Variants in UTP20 observed in about 807,000 individuals in gnomAD.
The protein encoded by UTP20 is small subunit processome component 20 homolog.
Under a neutral mutation model 329.5 loss-of-function variants are expected in UTP20, and 164 were observed. The observed-to-expected ratio is 0.50, with a 90% confidence interval of 0.44 to 0.57. The LOEUF (loss-of-function observed/expected upper bound fraction) is 0.57, where lower values mean the gene tolerates loss of function less well. UTP20 is among the 20% of genes least tolerant of loss of function. The pLI, the probability that UTP20 is intolerant of heterozygous loss-of-function variation, is 0.00. For missense variants in UTP20, 3,055 were observed against 3,284.2 expected (o/e 0.93, Z 1.71); for synonymous variants, 1,151 against 1,159.3 (o/e 0.99, Z 0.14).
chr12:101,365,072 T>TTGTGTGTGTG (rs60890980), intron 45 of UTP20, among the ~76,000 whole-genome samples: 8,256 of 141,844 alleles, frequency 0.058, 316 homozygotes, highest in East Asian at 0.11. Context: ...ATTTTGTTGA[T>TTGTGTGTGTG]TGTGTGTGTG....
chr12:101,340,937 C>CTTTTTTTTTTTTTTTTTTTTTTT (rs71091488), intron 32 of UTP20, among the ~76,000 whole-genome samples: 4 of 83,024 alleles, frequency 4.8e-5, no homozygotes, highest in Non-Finnish European at 5.5e-5. Flanking sequence ...ATTGTGTAAT[C>CTTTTTTTTTTTTTTTTTTTTTTT]TTTTTTTTTT....
intron 32 of UTP20, among the ~76,000 whole-genome samples, chr12:101,341,969 G>A (rs943833306): frequency 5.9e-5 from 9 of 152,142 alleles, no homozygotes; most frequent in African/African-American, 7.2e-5. Context: ...AACTATTTAC[G>A]TAGCATTTAC....
chr12:101,342,099 G>A (rs1026988979), intron 32 of UTP20, among the ~76,000 whole-genome samples: 14 of 152,036 alleles, frequency 9.2e-5, no homozygotes, highest in African/African-American at 3.1e-4. Context: ...TTGGAGTTTG[G>A]TATTTTTTGG....
Position 101,290,270 on chromosome 12 carries a change from G to T in UTP20, c.731G>T (p.Gly244Val), listed in dbSNP as rs1423572444. ...AGAAATATGTTTCACTCCTGTACAG[G>T]CCAGGTACATAATGGGGAGGGGTGC... The part of the protein sequence containing the change: ...GVRNMFHSCT[G>V]QAVKLILRKL... The change falls in exon 7 of 62, where the codon GGC becomes GTC. Residue 244 changes from glycine (G) to valine (V), a missense_variant. Physicochemically the swap from Gly to Val is moderately radical, Grantham distance 109 (BLOSUM62 -3). Transcript: ENST00000261637. 1.3e-6 allele frequency: 2 copies of T among 1,593,804 alleles called. No homozygotes were observed. The highest frequency in any genetic ancestry group is 2.2e-5 in the East Asian group (1 of 44,452).
At position 101,386,356 on chromosome 12, in the gene UTP20, CA is replaced by C. The variant is rs1870835596; in HGVS notation, c.*235del. 3 of 361,882 alleles carry C rather than the reference CA, an allele frequency of 8.3e-6. No homozygotes were observed. The highest frequency in any genetic ancestry group is 1.5e-5 in the Non-Finnish European group (3 of 205,016). The allele number at this position is 361,882 out of a possible 1,614,324, so 22.4% of individuals were successfully genotyped here. On this transcript the variant is annotated 3_prime_UTR_variant, in exon 62 of 62. Coordinates refer to ENST00000261637, the MANE Select transcript of UTP20 (RefSeq NM_014503.3). The stretch of plus-strand genomic sequence containing the variant: ...CAAGTAGTTGTGCCTCCTAGGCACA[CA>C]ACACTATGCCCGGCAAATTTTTTGT...
Position 101,281,135 on chromosome 12 carries a change from G to T in UTP20, c.65G>T (p.Arg22Leu). ...NTYRFLTFAE[R>L]LGNVNIDIIH... is the part of the protein sequence containing the mutation. ...TTCCAGTTTCTTACATTTGCTGAACGACTGGGGAATGTTAATATTGATATT... is the reference window on the plus strand; with the variant it reads ...TTCCAGTTTCTTACATTTGCTGAACTACTGGGGAATGTTAATATTGATATT... Residue 22 changes from arginine (R) to leucine (L), a missense_variant, in exon 2 of 62, where the codon CGA (arginine) becomes CTA (leucine). Physicochemically the swap from Arg to Leu is moderately radical, Grantham distance 102 (BLOSUM62 -2). Transcript: ENST00000261637. 1.2e-6 allele frequency: 2 copies of T among 1,612,118 alleles called. No individual in the cohort carries two copies. The highest frequency in any genetic ancestry group is 2.2e-5 in the South Asian group (2 of 90,662).
intron 1 of UTP20, 82 bp downstream of exon 1, chr12:101,280,409 C>T: frequency 6.6e-7 from 1 of 1,511,064 alleles, no homozygotes; most frequent in Non-Finnish European, 9.0e-7. Flanking sequence ...ACTCCAGGGG[C>T]CTCAGACTTC....
chr12:101,311,789 A>G lies in UTP20; in HGVS notation c.2302A>G (p.Thr768Ala), dbSNP rs752091527. 1 of 1,612,200 alleles carries G rather than the reference A, an allele frequency of 6.2e-7. No individual in the cohort carries two copies. Among genetic ancestry groups the G allele is most frequent in the Admixed American group, 1.7e-5 (1 of 59,706 alleles). The change falls in exon 20 of 62, where the codon ACG becomes GCG. Residue 768 changes from threonine to alanine, a missense_variant. Around this residue, in one of 3 missense-constraint regions of UTP20, gnomAD observed 2,445 missense variants for 2,575.5 expected, o/e 0.95. Coordinates refer to ENST00000261637, the MANE Select transcript of UTP20 (RefSeq NM_014503.3). ...VYYEHLEKAATHAEKELQNDM... is the reference protein window; with the variant it reads ...VYYEHLEKAAAHAEKELQNDM... ...CTATGAGCATCTAGAAAAAGCAGCTACGCATGCTGGTATGTAAAGGGGTTG... is the reference window on the plus strand; with the variant it reads ...CTATGAGCATCTAGAAAAAGCAGCTGCGCATGCTGGTATGTAAAGGGGTTG...
chr12:101,377,905 A>G (rs990073312), intron 56 of UTP20, among the ~76,000 whole-genome samples: 2 of 152,216 alleles, frequency 1.3e-5, no homozygotes, highest in African/African-American at 4.8e-5. Flanking sequence ...GTTGATGGTT[A>G]AATGAGATCA....
At position 101,329,374 on chromosome 12, in the gene UTP20, A is replaced by C; in HGVS notation, c.3342A>C (p.Ala1114=). 1 of 1,614,162 alleles carries C rather than the reference A, an allele frequency of 6.2e-7. No individual in the cohort carries two copies. The highest frequency in any genetic ancestry group is 8.5e-7 in the Non-Finnish European group (1 of 1,180,022). ...AAAACATTAGTCATCTGATCAGCGCATACCTGCCGAAGATTTTGCAGATAC... is the reference window on the plus strand; with the variant it reads ...AAAACATTAGTCATCTGATCAGCGCCTACCTGCCGAAGATTTTGCAGATAC... ...VLKNISHLIS[A]YLPKILQILL... is the part of the protein sequence containing the mutation. Residue 1114 remains alanine (A), a synonymous_variant, in exon 27 of 62, where the codon GCA becomes GCC. Transcript: ENST00000261637.
intron 46 of UTP20, among the ~76,000 whole-genome samples, chr12:101,365,959 A>C (rs907120017): frequency 1.3e-5 from 2 of 152,090 alleles, no homozygotes; most frequent in African/African-American, 2.4e-5. Context: ...GGCTGGGCAC[A>C]GTGGCTCATG....
Position 101,373,481 on chromosome 12 carries a change from C to G in UTP20, c.6948+11C>G. Reference sequence around the variant, plus strand: ...GACACGTTCCCTCAGGTACTGTGACCCCAGAGATAAGCCCCGTGACTCCTG... The same window carrying G: ...GACACGTTCCCTCAGGTACTGTGACGCCAGAGATAAGCCCCGTGACTCCTG... On this transcript the variant is annotated intron_variant, in intron 53 of 61. Coordinates refer to ENST00000261637, the MANE Select transcript of UTP20 (RefSeq NM_014503.3). 1 of 1,614,082 alleles carries G rather than the reference C, an allele frequency of 6.2e-7. No homozygotes were observed. The highest frequency in any genetic ancestry group is 8.5e-7 in the Non-Finnish European group (1 of 1,180,000).
At position 101,373,896 on chromosome 12, in the gene UTP20, T is replaced by C. The variant is rs982843640; in HGVS notation, c.7131+129T>C. 6.4e-6 allele frequency: 7 copies of C among 1,096,152 alleles called. No homozygotes were observed. The African/African-American group carries it at 9.7e-5, about 15-fold the overall frequency. The allele number at this position is 1,096,152 out of a possible 1,614,324, so 67.9% of individuals were successfully genotyped here. ...AAATAGTGTTATTTTTGTCTGATTA[T>C]GCAAATAGTATATTCTTAAAGTTTT... On this transcript the variant is annotated intron_variant, in intron 54 of 61. Coordinates refer to ENST00000261637, the MANE Select transcript of UTP20 (RefSeq NM_014503.3).
At chr12:101,354,668 C>T (rs1869655554) in intron 40 of UTP20, among the ~76,000 whole-genome samples, 164 bp from the exon 41 acceptor site, 1 of 152,178 alleles carries the variant, frequency 6.6e-6, no homozygotes, top group South Asian at 2.1e-4. Context: ...AAACCCATGG[C>T]CCTCTCATTT....
At chr12:101,347,890 G>A (rs543910960) in intron 38 of UTP20, among the ~76,000 whole-genome samples, 24 of 152,238 alleles carry the variant, frequency 1.6e-4, no homozygotes, top group African/African-American at 3.6e-4. Context: ...GTGCAGTAGC[G>A]TGATCTCAGC....
chr12:101,332,104 G>A (rs770288523), intron 27 of UTP20, among the ~76,000 whole-genome samples: 4 of 152,212 alleles, frequency 2.6e-5, no homozygotes, highest in Non-Finnish European at 4.4e-5. Flanking sequence ...TTGGGAGTCC[G>A]AGGCGGGCAG....
intron 2 of UTP20, among the ~76,000 whole-genome samples, chr12:101,284,874 AT>A (rs1176590749): frequency 6.6e-6 from 1 of 151,842 alleles, no homozygotes. Context: ...AGGGTTTTTT[AT>A]TTTTGTTTTT....
rs143875613 is a variant in UTP20 at position 101,285,874 on chromosome 12, C to G, written c.319C>G (p.Leu107Val). The G allele has an allele frequency of 9.4e-5, 151 of 1,613,302 alleles. No homozygotes were observed. In the African/African-American group the frequency reaches 1.9e-3, roughly 21 times the overall value. Residue 107 changes from leucine (L) to valine (V), a missense_variant, in exon 4 of 62, where the codon CTT (leucine) becomes GTT (valine). Around this residue, in one of 3 missense-constraint regions of UTP20, gnomAD observed 2,445 missense variants for 2,575.5 expected, o/e 0.95. Coordinates refer to ENST00000261637, the MANE Select transcript of UTP20 (RefSeq NM_014503.3). ...TAAGAACAGTTTTGCCTATCAACCC[C>G]TTTTGGAGTAAGTAGCATCTTGAGA... The part of the protein sequence containing the change: ...QVKNSFAYQP[L>V]LDLVVQLARD...
At chr12:101,347,762 C>T (rs1360797549) in intron 38 of UTP20, among the ~76,000 whole-genome samples, 1 of 152,104 alleles carries the variant, frequency 6.6e-6, no homozygotes, top group East Asian at 1.9e-4. Flanking sequence ...TGTTTGATGC[C>T]ATTGAAATAT....
Sources: allele counts gnomAD v4.1 joint callset (sites outside exome capture counted in the v4.1 genomes callset), GRCh38; gene constraint gnomAD v4.1.1; regional missense constraint gnomAD v4.1.1; transcripts MANE v1.5; gene names NCBI Gene and HGNC (gene_info 2026-07-23, HGNC 2026-07-21).